Variants in SLC19A1 observed in about 807,000 individuals in gnomAD.
SLC19A1 encodes the protein reduced folate transporter.
A neutral mutation model predicts 35.3 loss-of-function variants in SLC19A1; 37 were observed. The observed-to-expected ratio is 1.05, with a 90% CI of 0.81 to 1.38. SLC19A1 has a LOEUF of 1.38. Ranked by LOEUF, SLC19A1 falls within the 40% of genes most tolerant of loss-of-function variation. SLC19A1 has a pLI of 0.00. For synonymous variants in SLC19A1, 460 were observed against 398.5 expected, an observed-to-expected ratio of 1.15 and a Z score of -1.84; for missense variants, 831 against 826.9, an observed-to-expected ratio of 1.00 and a Z score of -0.06.
rs145871873 is a variant in SLC19A1 at position 45,552,675 on chromosome 21, G to T, written c.-50+10067C>A. ...CCAGCAGAGAGGGGCTGGTCTCAGC[G>T]AAGTGGAGCGGGTCTTAGTGGGTTG... On this transcript the variant is annotated intron_variant, in intron 1 of 5. Transcript: ENST00000650808. Among the ~76,000 whole-genome samples the T allele has an allele frequency of 7.4e-3, 1,102 of 148,562 alleles. 8 individuals are homozygous for T. The highest frequency in any genetic ancestry group is 0.017 in the African/African-American group (681 of 40,052).
chr21:45,502,985 T>TGAA (rs2036944357), intron 3 of SLC19A1: 1 of 152,098 alleles, frequency 6.6e-6, no homozygotes, highest in African/African-American at 2.4e-5. Context: ...CAATTAAAAA[T>TGAA]GAAGTTTTAA....
At chr21:45,512,348 G>A (rs956790490), downstream of SLC19A1, 17 of 1,612,632 alleles carry the variant, frequency 1.1e-5, no homozygotes, top group East Asian at 4.5e-5. Flanking sequence ...CTGCCATCAC[G>A]CCTACATCGT....
chr21:45,529,029 T>G (rs1469896664), intron 4 of SLC19A1, among the ~76,000 whole-genome samples: 1 of 152,244 alleles, frequency 6.6e-6, no homozygotes, highest in East Asian at 1.9e-4. Flanking sequence ...CCCTGGCCCT[T>G]TCCACAGTGC....
At chr21:45,505,469 G>A (rs776533647) in intron 3 of SLC19A1, 172 of 1,117,162 alleles carry the variant, frequency 1.5e-4, no homozygotes, top group Non-Finnish European at 2.1e-4. Flanking sequence ...CCTGCGTCCC[G>A]TGCCCTGGCT....
At chr21:45,507,631 C>T (rs2037299260), downstream of SLC19A1, 1 of 1,601,998 alleles carries the variant, frequency 6.2e-7, no homozygotes, top group Admixed American at 1.7e-5. Context: ...GGTGGGTGGT[C>T]AGGACATGAG....
At chr21:45,550,906 G>A (rs915846415) in intron 1 of SLC19A1, among the ~76,000 whole-genome samples, 3 of 9,664 alleles carry the variant, frequency 3.1e-4, no homozygotes, top group Non-Finnish European at 4.5e-4. Context: ...TCCCACCACC[G>A]CCCCCCACCC....
chr21:45,558,636 C>T (rs553755159), intron 1 of SLC19A1, among the ~76,000 whole-genome samples: 42 of 152,184 alleles, frequency 2.8e-4, no homozygotes, highest in Admixed American at 6.5e-4. Flanking sequence ...AGGTAGGGAG[C>T]GGAGCTGCTA....
chr21:45,536,568 G>A lies in SLC19A1; in HGVS notation c.189+1203C>T, dbSNP rs540111681. ...AGCCTGGCGGTTAGCAGTGCTGGCCGTGGGACGAGACACAATCACACCGCA... is the reference window on the plus strand; with the variant it reads ...AGCCTGGCGGTTAGCAGTGCTGGCCATGGGACGAGACACAATCACACCGCA... On this transcript the variant is annotated intron_variant, in intron 2 of 5. Transcript: ENST00000311124. 2.0e-3 allele frequency: 306 copies of A among 155,698 alleles called. 2 individuals are homozygous for A. Among genetic ancestry groups the A allele is most frequent in the Non-Finnish European group, 3.3e-3 (235 of 70,156 alleles). The allele number at this position is 155,698 out of a possible 1,614,324, so 9.6% of individuals were successfully genotyped here. A position where few individuals can be genotyped will look rare whatever the true frequency, so the allele number is the denominator to read the frequency against.
intron 1 of SLC19A1, among the ~76,000 whole-genome samples, chr21:45,555,191 G>GCC (rs2078535805): frequency 2.3e-5 from 1 of 44,248 alleles, no homozygotes; most frequent in South Asian, 1.0e-3. Context: ...TGCAGGGGGC[G>GCC]GCGGGGGCGG....
chr21:45,539,787 C>T (rs937403605), intron 1 of SLC19A1, among the ~76,000 whole-genome samples: 12 of 152,164 alleles, frequency 7.9e-5, no homozygotes, highest in African/African-American at 2.7e-4. Context: ...TAGGTGATGG[C>T]AGGGAAGCCC....
chr21:45,537,435 C>CGGT (rs2078150260), intron 2 of SLC19A1, among the ~76,000 whole-genome samples: 2 of 151,526 alleles, frequency 1.3e-5, no homozygotes, highest in Non-Finnish European at 2.9e-5. Context: ...TGGCACCCAG[C>CGGT]ACCCACGTGC....
chr21:45,545,966 C>A (rs1032529048), upstream of SLC19A1, among the ~76,000 whole-genome samples: 1 of 152,230 alleles, frequency 6.6e-6, no homozygotes, highest in Non-Finnish European at 1.5e-5. Context: ...CTCCAGCCCC[C>A]ACTCCCGCCA....
At chr21:45,550,249 G>C (rs538296450) in intron 1 of SLC19A1, among the ~76,000 whole-genome samples, 2 of 152,104 alleles carry the variant, frequency 1.3e-5, no homozygotes, top group East Asian at 3.9e-4. Context: ...CTGGGGAGGC[G>C]CCTCCTGCCT....
At chr21:45,528,192 G>C (rs1281749651) in intron 4 of SLC19A1, among the ~76,000 whole-genome samples, 2 of 152,008 alleles carry the variant, frequency 1.3e-5, no homozygotes, top group African/African-American at 4.8e-5. Context: ...CGAACAACAG[G>C]GAGAACTGAG....
intron 4 of SLC19A1, among the ~76,000 whole-genome samples, chr21:45,527,842 C>G (rs115386733): frequency 0.012 from 1,844 of 151,616 alleles, 40 homozygotes; most frequent in African/African-American, 0.042. Flanking sequence ...AATGAAGGCA[C>G]CACATTCCTG....
In SLC19A1 at chr21:45,514,620, GGGAGAAGGCTGGGACGCCTCTCCT is replaced by G; in HGVS notation, c.*1014_*1037del. Reference sequence around the variant, plus strand: ...CCAAGGCCCTGCGTGGGCTGGAGGCGGGAGAAGGCTGGGACGCCTCTCCTGGCCTCCTCACTGACTGCTGACCCT... The same window carrying G: ...CCAAGGCCCTGCGTGGGCTGGAGGCGGGCCTCCTCACTGACTGCTGACCCT... On this transcript the variant is annotated 3_prime_UTR_variant, in exon 6 of 6. Coordinates refer to ENST00000311124, the MANE Select transcript of SLC19A1 (RefSeq NM_194255.4). 1 of 200,466 alleles carries G rather than the reference GGGAGAAGGCTGGGACGCCTCTCCT, an allele frequency of 5.0e-6. No homozygotes were observed. The highest frequency in any genetic ancestry group is 1.1e-4 in the East Asian group (1 of 9,294). The allele number at this position is 200,466 out of a possible 1,614,324, so 12.4% of individuals were successfully genotyped here.
chr21:45,511,077 CACCA>C (rs1568954871), downstream of SLC19A1: 3 of 1,053,186 alleles, frequency 2.8e-6, no homozygotes, highest in Non-Finnish European at 2.7e-6. Context: ...CACCCCCACA[CACCA>C]CACACACATA....
In SLC19A1 at chr21:45,525,315, C is replaced by T. The variant is rs375775563; in HGVS notation, c.1293+502G>A. On this transcript the variant is annotated intron_variant, in intron 5 of 5. Transcript: ENST00000311124. ...GCTGATTCCAGCTCACTCGGAGACC[C>T]GGCCTTGGCTGGGACCCTCAGGAGT... Among the ~76,000 whole-genome samples, 31 of 152,376 alleles carry T rather than the reference C, an allele frequency of 2.0e-4. No homozygotes were observed. In the South Asian group the frequency reaches 5.0e-3, roughly 24 times the overall value.
At chr21:45,504,541 C>G in intron 3 of SLC19A1, 1 of 1,576,896 alleles carries the variant, frequency 6.3e-7, no homozygotes, top group Non-Finnish European at 8.6e-7. Flanking sequence ...GCCCACGTGG[C>G]TACCCTGGGA....
Sources: allele counts gnomAD v4.1 joint callset (sites outside exome capture counted in the v4.1 genomes callset), GRCh38; gene constraint gnomAD v4.1.1; transcripts MANE v1.5; gene names NCBI Gene and HGNC (gene_info 2026-07-23, HGNC 2026-07-21).